BTBD9: variants seen among roughly 807,000 people sequenced by gnomAD.
BTBD9 encodes the protein BTB/POZ domain-containing protein 9.
A neutral mutation model predicts 64.3 loss-of-function variants in BTBD9; 49 were observed. That is an observed-to-expected ratio of 0.76 (90% CI 0.61 to 0.97). BTBD9 has a LOEUF of 0.97. Among genes scored for constraint, BTBD9 ranks in the 50% least tolerant of loss-of-function variants. BTBD9 has a pLI of 0.00. For missense variants in BTBD9, 598 were observed against 762.1 expected (o/e 0.78, Z 2.53); for synonymous variants, 260 against 274.7 (o/e 0.95, Z 0.53).
At chr6:38,302,289 A>G (rs1227196324) in intron 7 of BTBD9, among the ~76,000 whole-genome samples, 1 of 151,732 alleles carries the variant, frequency 6.6e-6, no homozygotes, top group Non-Finnish European at 1.5e-5. Context: ...AACTCTTCTC[A>G]GCCTCTGGTA....
intron 6 of BTBD9, among the ~76,000 whole-genome samples, chr6:38,360,389 T>C (rs1486350637): frequency 6.6e-6 from 1 of 152,210 alleles, no homozygotes; most frequent in Non-Finnish European, 1.5e-5. Flanking sequence ...AACTACTATA[T>C]GCTGAGCACT....
chr6:38,433,087 C>T (rs546466569), intron 6 of BTBD9, among the ~76,000 whole-genome samples: 14 of 152,102 alleles, frequency 9.2e-5, no homozygotes, highest in African/African-American at 3.1e-4. Flanking sequence ...CATCTTCAGC[C>T]TCACATACTA....
intron 4 of BTBD9, among the ~76,000 whole-genome samples, chr6:38,582,519 T>C (rs1213183041): frequency 6.6e-6 from 1 of 152,216 alleles, no homozygotes; most frequent in African/African-American, 2.4e-5. Flanking sequence ...CTAAGCAGTC[T>C]GCCTGCAGAG....
intron 6 of BTBD9, among the ~76,000 whole-genome samples, chr6:38,418,974 T>C (rs1460775074): frequency 6.6e-6 from 1 of 152,122 alleles, no homozygotes; most frequent in African/African-American, 2.4e-5. Flanking sequence ...GGGGAATGCA[T>C]GGACTAGAAG....
chr6:38,355,812 C>T (rs575012807), intron 6 of BTBD9, among the ~76,000 whole-genome samples: 70 of 152,290 alleles, frequency 4.6e-4, no homozygotes, highest in African/African-American at 1.6e-3. Flanking sequence ...GTATCTCACA[C>T]TTTCTTCTTT....
chr6:38,180,100 C>G (rs75474555), intron 10 of BTBD9, among the ~76,000 whole-genome samples: 2,141 of 152,324 alleles, frequency 0.014, 44 homozygotes, highest in African/African-American at 0.047. Context: ...ACCCAGCTAG[C>G]TCCTGGACCA....
intron 9 of BTBD9, among the ~76,000 whole-genome samples, chr6:38,255,550 G>T (rs751460803): frequency 6.6e-6 from 1 of 152,182 alleles, no homozygotes; most frequent in African/African-American, 2.4e-5. Flanking sequence ...ATGCTAGGCT[G>T]CTCAGAACCC....
chr6:38,324,687 G>A (rs1383641422), intron 7 of BTBD9, among the ~76,000 whole-genome samples: 1 of 152,154 alleles, frequency 6.6e-6, no homozygotes, highest in African/African-American at 2.4e-5. Context: ...GGGAGGAAAA[G>A]GGCTCTTTTG....
At chr6:38,497,212 A>G (rs1264735168) in intron 6 of BTBD9, among the ~76,000 whole-genome samples, 4 of 152,160 alleles carry the variant, frequency 2.6e-5, no homozygotes, top group Non-Finnish European at 5.9e-5. Context: ...TTAGAAATGA[A>G]TATGCAACTG....
rs1463521274 is a variant in BTBD9 at position 38,462,514 on chromosome 6, T to C, written c.1154+115086A>G. Among the ~76,000 whole-genome samples the C allele has an allele frequency of 2.0e-5, 3 of 152,242 alleles. No homozygotes were observed. In the East Asian group the frequency reaches 5.8e-4, roughly 29 times the overall value. On this transcript the variant is annotated intron_variant, in intron 6 of 10. Transcript: ENST00000481247. Reference sequence around the variant, plus strand: ...TCTGTTCCATTATCTTTTATATGACTACTATACTGTTTTGAGTAAGGTAGG... The same window carrying C: ...TCTGTTCCATTATCTTTTATATGACCACTATACTGTTTTGAGTAAGGTAGG...
chr6:38,260,788 T>C (rs1582128950), intron 8 of BTBD9, among the ~76,000 whole-genome samples: 1 of 152,242 alleles, frequency 6.6e-6, no homozygotes, highest in East Asian at 1.9e-4. Flanking sequence ...CTTAATGGTC[T>C]ATTATGAATA....
intron 6 of BTBD9, among the ~76,000 whole-genome samples, chr6:38,427,856 A>T (rs1479178404): frequency 6.6e-6 from 1 of 151,990 alleles, no homozygotes; most frequent in Non-Finnish European, 1.5e-5. Context: ...TACTGTGTTA[A>T]CTAGAGTAAG....
intron 6 of BTBD9, among the ~76,000 whole-genome samples, chr6:38,368,722 T>C (rs1276646321): frequency 2.0e-5 from 3 of 152,098 alleles, no homozygotes; most frequent in Non-Finnish European, 4.4e-5. Flanking sequence ...ATGTACAAAA[T>C]TTTATACACA....
intron 7 of BTBD9, among the ~76,000 whole-genome samples, chr6:38,289,231 AG>A (rs1366555656): frequency 6.6e-6 from 1 of 152,098 alleles, no homozygotes; most frequent in Non-Finnish European, 1.5e-5. Context: ...AAAATTAGCC[AG>A]GCGTGGTAGC....
At chr6:38,570,161 G>A (rs1459369855) in intron 6 of BTBD9, among the ~76,000 whole-genome samples, 2 of 152,124 alleles carry the variant, frequency 1.3e-5, no homozygotes, top group African/African-American at 4.8e-5. Context: ...TTAGTATAAT[G>A]TGTGTGTAGT....
At position 38,298,855 on chromosome 6, in the gene BTBD9, C is replaced by CT. The variant is rs113386216; in HGVS notation, c.1265-10395dup. On this transcript the variant is annotated intron_variant, in intron 7 of 10. Coordinates refer to ENST00000481247, the MANE Select transcript of BTBD9 (RefSeq NM_001099272.2). ...TTGCTGCAAATGAAAGTATTTCATT[C>CT]TTTTTTTTTTTTTAATATACTTTAA... Among the ~76,000 whole-genome samples, 1,021 of 146,176 alleles carry CT rather than the reference C, an allele frequency of 7.0e-3. 14 individuals are homozygous for CT. The highest frequency in any genetic ancestry group is 0.022 in the African/African-American group (862 of 40,058).
chr6:38,494,112 A>G (rs972281319), intron 6 of BTBD9, among the ~76,000 whole-genome samples: 22 of 152,224 alleles, frequency 1.4e-4, no homozygotes, highest in African/African-American at 5.1e-4. Context: ...GACTTGAATA[A>G]GTGGTTTGCA....
chr6:38,527,387 C>A (rs1474932362), intron 6 of BTBD9, among the ~76,000 whole-genome samples: 3 of 148,432 alleles, frequency 2.0e-5, no homozygotes, highest in Non-Finnish European at 4.4e-5. Context: ...CCCCATGTAT[C>A]AAGGGAGGAA....
Position 38,431,446 on chromosome 6 carries a change from T to A in BTBD9, c.1155-86353A>T, listed in dbSNP as rs778254037. ...CAACCCAGTTTCACAGATGAGGAAA[T>A]TGAAATAATTTGTTCAATATTCCAC... On this transcript the variant is annotated intron_variant, in intron 6 of 10. Transcript: ENST00000481247. Among the ~76,000 whole-genome samples, 4 of 152,270 alleles carry A rather than the reference T, an allele frequency of 2.6e-5. No homozygotes were observed. The South Asian group carries it at 8.3e-4, about 32-fold the overall frequency.
Sources: gnomAD v4.1 joint callset for allele counts (sites outside exome capture counted in the v4.1 genomes callset) on GRCh38, gnomAD v4.1.1 for gene constraint, MANE v1.5 for transcripts, NCBI Gene and HGNC (gene_info 2026-07-23, HGNC 2026-07-21) for gene names.